ADAMTS8: variants seen among roughly 807,000 people sequenced by gnomAD.
The protein encoded by ADAMTS8 is A disintegrin and metalloproteinase with thrombospondin motifs 8.
ADAMTS8 carries 50 observed loss-of-function variants against 64.4 expected under a neutral mutation model. The ratio of observed to expected loss-of-function variants is 0.78; its 90% CI spans 0.62 to 0.98. The LOEUF is 0.98. Among genes scored for constraint, ADAMTS8 ranks in the 50% least tolerant of loss-of-function variants. ADAMTS8 has a pLI of 0.00. For missense variants in ADAMTS8, 1,192 were observed against 1,208.2 expected (o/e 0.99, Z 0.20); for synonymous variants, 556 against 533.6 (o/e 1.04, Z -0.58).
Position 130,416,478 on chromosome 11 carries a change from GCT to G in ADAMTS8, c.1097-150_1097-149del. The G allele has an allele frequency of 1.1e-6, 1 of 903,380 alleles. No individual in the cohort carries two copies. The allele number at this position is 903,380 out of a possible 1,614,324, so 56.0% of individuals were successfully genotyped here. On this transcript the variant is annotated intron_variant, in intron 3 of 8. Coordinates refer to ENST00000257359, the MANE Select transcript of ADAMTS8 (RefSeq NM_007037.6). This position sits in a 1 kb window ranked among gnomAD's most constrained non-coding sequence, Gnocchi z 4.8. ...TGCGTAGGGCTTTCCCCTGCGCTTT[GCT>G]CTTCCAGGACGCGTTCTCAGATGAC...
At chr11:130,409,891 G>C (rs568143851) in intron 6 of ADAMTS8, among the ~76,000 whole-genome samples, 2 of 152,382 alleles carry the variant, frequency 1.3e-5, no homozygotes, top group South Asian at 4.1e-4. Flanking sequence ...CTGAGACTCT[G>C]AGTCAGTGCA....
intron 2 of ADAMTS8, among the ~76,000 whole-genome samples, chr11:130,417,787 T>C: frequency 6.6e-6 from 1 of 152,172 alleles, no homozygotes; most frequent in East Asian, 1.9e-4. Flanking sequence ...TCCCACCTAG[T>C]GGCCTCGCTT....
chr11:130,411,712 T>C lies in ADAMTS8; in HGVS notation c.1567-112A>G. The stretch of plus-strand genomic sequence containing the variant: ...CCTCATCTAGTCATTATCATCTTGG[T>C]GCATGGAGTGCCGTAAACTGCCTCA... On this transcript the variant is annotated intron_variant, in intron 5 of 8. Coordinates refer to ENST00000257359, the MANE Select transcript of ADAMTS8 (RefSeq NM_007037.6). This position sits in a 1 kb window ranked among gnomAD's most constrained non-coding sequence, Gnocchi z 4.2. 2 of 1,096,420 alleles carry C rather than the reference T, an allele frequency of 1.8e-6. No individual in the cohort carries two copies. The highest frequency in any genetic ancestry group is 2.6e-6 in the Non-Finnish European group (2 of 760,950). The allele number at this position is 1,096,420 out of a possible 1,614,324, so 67.9% of individuals were successfully genotyped here. A position where few individuals can be genotyped will look rare whatever the true frequency, so the allele number is the denominator to read the frequency against.
At chr11:130,427,057 CTT>C (rs1403109285) in intron 1 of ADAMTS8, among the ~76,000 whole-genome samples, 1 of 152,266 alleles carries the variant, frequency 6.6e-6, no homozygotes, top group Non-Finnish European at 1.5e-5. Flanking sequence ...CAAACAATGT[CTT>C]TTGCTTATGG....
intron 1 of ADAMTS8, among the ~76,000 whole-genome samples, chr11:130,424,043 C>T (rs886241870): frequency 1.3e-5 from 2 of 152,242 alleles, no homozygotes; most frequent in African/African-American, 4.8e-5. Flanking sequence ...CGTTCTTTCT[C>T]TCAGCCTCCA....
At position 130,428,081 on chromosome 11, in the gene ADAMTS8, G is replaced by T. The variant is rs757836859; in HGVS notation, c.206C>A (p.Ala69Glu). 4.6e-6 allele frequency: 7 copies of T among 1,538,350 alleles called. No individual in the cohort carries two copies. The highest frequency in any genetic ancestry group is 6.1e-6 in the Non-Finnish European group (7 of 1,151,516). Residue 69 changes from alanine to glutamate, a missense_variant, in exon 1 of 9, where the codon GCG becomes GAG. By Grantham distance (107) the Ala-to-Glu change is moderately radical (BLOSUM62 -1). Coordinates refer to ENST00000257359, the MANE Select transcript of ADAMTS8 (RefSeq NM_007037.6). Reference sequence around the variant, plus strand: ...GGGCGCTAGGAAGCTGTCGTCGGGCGCCAGGCGCAGCACGAAGCCCTTGCC... The same window carrying T: ...GGGCGCTAGGAAGCTGTCGTCGGGCTCCAGGCGCAGCACGAAGCCCTTGCC... Reference protein sequence around the residue: ...AFGKGFVLRLAPDDSFLAPEF... With the variant: ...AFGKGFVLRLEPDDSFLAPEF...
At chr11:130,406,923 C>T (rs1861892377) in intron 8 of ADAMTS8, among the ~76,000 whole-genome samples, 1 of 152,110 alleles carries the variant, frequency 6.6e-6, no homozygotes, top group Non-Finnish European at 1.5e-5. Flanking sequence ...CTTTTCTTAC[C>T]ATATGTCCAG....
intron 5 of ADAMTS8, among the ~76,000 whole-genome samples, chr11:130,413,358 T>A (rs141529769): frequency 6.6e-4 from 100 of 152,280 alleles, no homozygotes; most frequent in African/African-American, 2.4e-3. Context: ...GATCAGTCCA[T>A]GAATCCTGCA....
Position 130,410,821 on chromosome 11 carries a change from G to A in ADAMTS8, c.1750+596C>T, listed in dbSNP as rs555178489. On this transcript the variant is annotated intron_variant, in intron 6 of 8. Transcript: ENST00000257359. ...TAGGAATATGCCAAGGGGAGGGAGA[G>A]GTAGTATTCCTTCCTGGGAAGATTC... Among the ~76,000 whole-genome samples the A allele has an allele frequency of 5.6e-4, 86 of 152,306 alleles. 1 individual carries two copies. The highest frequency in any genetic ancestry group is 3.4e-3 in the Middle Eastern group (1 of 294).
rs1177302908 is a variant in ADAMTS8 at position 130,428,005 on chromosome 11, CTCGCCCCCGG to C, written c.272_281del (p.Thr91SerfsTer13). ...AGAAGAAGCAGCCGCGCAGCCCCCG[CTCGCCCCCGG>C]TCGCCCGGCCGGAGCCCCCGAGGCG... On this transcript the variant is annotated frameshift_variant, in exon 1 of 9. Coordinates refer to ENST00000257359, the MANE Select transcript of ADAMTS8 (RefSeq NM_007037.6). LOFTEE classifies it high-confidence loss of function. 7.9e-6 allele frequency: 12 copies of C among 1,526,564 alleles called. No individual in the cohort carries two copies. Among genetic ancestry groups the C allele is most frequent in the African/African-American group, 5.6e-5 (4 of 71,276 alleles). The allele number at this position is 1,526,564 out of a possible 1,614,324, so 94.6% of individuals were successfully genotyped here.
chr11:130,405,698 A>G lies in ADAMTS8; in HGVS notation c.2530T>C (p.Cys844Arg). 1 of 1,614,106 alleles carries G rather than the reference A, an allele frequency of 6.2e-7. No homozygotes were observed. Among genetic ancestry groups the G allele is most frequent in the Non-Finnish European group, 8.5e-7 (1 of 1,179,978 alleles). The change falls in exon 9 of 9, where the codon TGC becomes CGC. Residue 844 changes from cysteine to arginine, a missense_variant. Coordinates refer to ENST00000257359, the MANE Select transcript of ADAMTS8 (RefSeq NM_007037.6). ...AQWVLGDWSE[C>R]SSTCGAGWQR... ...CAGCCGGCCCCGCAGGTGCTAGAGCACTCAGACCAGTCCCCCAGCACCCAC... is the reference window on the plus strand; with the variant it reads ...CAGCCGGCCCCGCAGGTGCTAGAGCGCTCAGACCAGTCCCCCAGCACCCAC...
At chr11:130,422,364 C>T (rs1862111104) in intron 1 of ADAMTS8, among the ~76,000 whole-genome samples, 1 of 152,200 alleles carries the variant, frequency 6.6e-6, no homozygotes, top group South Asian at 2.1e-4. Flanking sequence ...ATTCCTTCCT[C>T]AGAGCTTCTG....
Position 130,416,257 on chromosome 11 carries a change from G to A in ADAMTS8, c.1170C>T (p.His390=), listed in dbSNP as rs774085001. The part of the protein sequence containing the change: ...TRLFGPMGKH[H]VMAPLFVHLN... Reference sequence around the variant, plus strand: ...GGTGGACGAACAGCGGTGCCATCACGTGGTGCTTGCCCATGGGCCCGAAGA... The same window carrying A: ...GGTGGACGAACAGCGGTGCCATCACATGGTGCTTGCCCATGGGCCCGAAGA... Residue 390 remains histidine (H), a synonymous_variant, in exon 4 of 9, where the codon CAC becomes CAT. Transcript: ENST00000257359. This position sits in a 1 kb window ranked among gnomAD's most constrained non-coding sequence, Gnocchi z 4.8. The A allele has an allele frequency of 1.1e-5, 18 of 1,584,190 alleles. No homozygotes were observed. The highest frequency in any genetic ancestry group is 2.7e-5 in the African/African-American group (2 of 74,404).
At chr11:130,423,144 C>G (rs964678323) in intron 1 of ADAMTS8, among the ~76,000 whole-genome samples, 6 of 152,214 alleles carry the variant, frequency 3.9e-5, no homozygotes, top group Admixed American at 1.3e-4. Context: ...AAAACTGCAG[C>G]CTAGCCAAAG....
chr11:130,415,920 C>T (rs1862016169), intron 4 of ADAMTS8, among the ~76,000 whole-genome samples: 1 of 152,240 alleles, frequency 6.6e-6, no homozygotes, highest in African/African-American at 2.4e-5. Flanking sequence ...CTCCTTCAGA[C>T]AACCTTCTCG....
rs547222498 is a variant in ADAMTS8, at chr11:130,411,095, G to T, written c.1750+322C>A. On this transcript the variant is annotated intron_variant, in intron 6 of 8. Transcript: ENST00000257359. This position sits in a 1 kb window ranked among gnomAD's most constrained non-coding sequence, Gnocchi z 4.2. ...CTCTGCAGAGGCTCCTCCCCAATAA[G>T]TTTGGTTGGGAGTGATGTCCTCCTC... 2.0e-5 allele frequency among the ~76,000 whole-genome samples: 3 copies of T among 152,270 alleles called. No individual in the cohort carries two copies. The highest frequency in any genetic ancestry group is 7.2e-5 in the African/African-American group (3 of 41,554).
At chr11:130,415,603 C>CTTTTTTTTTT (rs386375276) in intron 4 of ADAMTS8, among the ~76,000 whole-genome samples, 2 of 104,790 alleles carry the variant, frequency 1.9e-5, no homozygotes, top group African/African-American at 3.6e-5. Context: ...GCACCTGGCC[C>CTTTTTTTTTT]TTTTTTTTTT....
chr11:130,409,070 C>T (rs184756526), intron 6 of ADAMTS8, 130 bp from the exon 7 acceptor site: 1 of 1,027,172 alleles, frequency 9.7e-7, no homozygotes, highest in Admixed American at 3.2e-5. Flanking sequence ...CGCCCAGGGC[C>T]AGTGTCTTCT....
At position 130,428,327 on chromosome 11, in the gene ADAMTS8, C is replaced by A. The variant is rs1862211232; in HGVS notation, c.-41G>T. 2 of 1,260,240 alleles carry A rather than the reference C, an allele frequency of 1.6e-6. No individual in the cohort carries two copies. The highest frequency in any genetic ancestry group is 1.8e-5 in the South Asian group (1 of 54,714). 78.1% of individuals were successfully genotyped at this position (1,260,240 alleles called of 1,614,324 possible). A position where few individuals can be genotyped will look rare whatever the true frequency, so the allele number is the denominator to read the frequency against. On this transcript the variant is annotated 5_prime_UTR_variant, in exon 1 of 9. Transcript: ENST00000257359. ...GGCTGCGCGCAGGAGAGGGAAGAAG[C>A]CCGCCAGGCGCGGGCAGGTGCTGGC...
Sources: allele counts gnomAD v4.1 joint callset (sites outside exome capture counted in the v4.1 genomes callset), GRCh38; gene constraint gnomAD v4.1.1; non-coding constraint Gnocchi (gnomAD v3.1); transcripts MANE v1.5; gene names NCBI Gene and HGNC (gene_info 2026-07-23, HGNC 2026-07-21).